Variants in EPB41L5 observed in about 807,000 individuals in gnomAD.
EPB41L5 encodes erythrocyte membrane protein band 4.1 like 5, also known as band 4.1-like protein 5.
In EPB41L5, 55 loss-of-function variants were observed where a neutral mutation model predicts 106.6. The observed-to-expected ratio is 0.52, with a 90% CI of 0.42 to 0.65. The LOEUF (loss-of-function observed/expected upper bound fraction) is 0.65, where lower values mean the gene tolerates loss of function less well. Ranked by LOEUF, EPB41L5 falls within the 30% of genes least tolerant of loss-of-function variation. The pLI is 0.00. For missense variants in EPB41L5, 871 were observed against 882.1 expected, an observed-to-expected ratio of 0.99 and a Z score of 0.16; for synonymous variants, 297 against 306.7, an observed-to-expected ratio of 0.97 and a Z score of 0.33.
intron 2 of EPB41L5, among the ~76,000 whole-genome samples, chr2:120,022,314 C>T (rs1182433111): frequency 6.6e-6 from 1 of 152,086 alleles, no homozygotes; most frequent in Non-Finnish European, 1.5e-5. Flanking sequence ...GGTATTTCTC[C>T]TAATACTATC....
chr2:120,116,874 C>T (rs1179289026), intron 16 of EPB41L5, among the ~76,000 whole-genome samples: 1 of 151,878 alleles, frequency 6.6e-6, no homozygotes, highest in Admixed American at 6.6e-5. Flanking sequence ...GAATGAATGT[C>T]AAAATACACT....
chr2:120,165,967 CAAAAAAAAAAAA>C (rs536664071), intron 22 of EPB41L5, among the ~76,000 whole-genome samples: 7 of 27,998 alleles, frequency 2.5e-4, no homozygotes, highest in East Asian at 3.7e-3. Context: ...GACTCCGTCT[CAAAAAAAAAAAA>C]AAAAAAAAAA....
At chr2:120,128,866 A>G (rs1356816921) in intron 17 of EPB41L5, among the ~76,000 whole-genome samples, 2 of 152,278 alleles carry the variant, frequency 1.3e-5, no homozygotes, top group East Asian at 3.9e-4. Flanking sequence ...CCCCATTACT[A>G]TTTCTCATGT....
At chr2:120,126,650 A>G (rs929335442) in intron 16 of EPB41L5, among the ~76,000 whole-genome samples, 2 of 152,172 alleles carry the variant, frequency 1.3e-5, no homozygotes, top group African/African-American at 4.8e-5. Flanking sequence ...TTGTTGATTT[A>G]CATGTCTGTC....
chr2:120,062,853 A>ATTAAGT (rs1681176266), intron 3 of EPB41L5, among the ~76,000 whole-genome samples: 1 of 151,944 alleles, frequency 6.6e-6, no homozygotes, highest in Non-Finnish European at 1.5e-5. Context: ...GATTCTTAAG[A>ATTAAGT]TATGGACTGA....
At chr2:120,167,252 A>G (rs1272731496) in intron 22 of EPB41L5, among the ~76,000 whole-genome samples, 1 of 152,246 alleles carries the variant, frequency 6.6e-6, no homozygotes, top group Non-Finnish European at 1.5e-5. Flanking sequence ...TCTCAAAATT[A>G]TGACACTTTC....
intron 3 of EPB41L5, among the ~76,000 whole-genome samples, chr2:120,042,790 T>G (rs1679481667): frequency 6.6e-6 from 1 of 152,102 alleles, no homozygotes; most frequent in Non-Finnish European, 1.5e-5. Context: ...TGGGATTAGG[T>G]AGTCTTCAAG....
chr2:120,142,579 T>G (rs1686222822), intron 18 of EPB41L5, among the ~76,000 whole-genome samples: 2 of 152,184 alleles, frequency 1.3e-5, no homozygotes, highest in Non-Finnish European at 1.5e-5. Context: ...GTTGGCAGAT[T>G]ATTTTAGTAA....
chr2:120,143,743 T>C (rs1686281411), intron 19 of EPB41L5, among the ~76,000 whole-genome samples: 1 of 152,168 alleles, frequency 6.6e-6, no homozygotes, highest in African/African-American at 2.4e-5. Context: ...AGAGACCTGA[T>C]TGGACTTTAG....
chr2:120,058,128 T>TA (rs528912147), intron 3 of EPB41L5, among the ~76,000 whole-genome samples: 11 of 151,804 alleles, frequency 7.2e-5, no homozygotes, highest in East Asian at 3.9e-4. Context: ...TTCTCTCATT[T>TA]AAAAAAAAAT....
chr2:120,107,820 C>T (rs556912371), intron 16 of EPB41L5, among the ~76,000 whole-genome samples: 3 of 152,234 alleles, frequency 2.0e-5, no homozygotes, highest in South Asian at 2.1e-4. Flanking sequence ...GAAATTAGGA[C>T]ATGAAGCATG....
At chr2:120,045,210 G>T (rs1416919357) in intron 3 of EPB41L5, among the ~76,000 whole-genome samples, 1 of 152,156 alleles carries the variant, frequency 6.6e-6, no homozygotes, top group Non-Finnish European at 1.5e-5. Context: ...TAGAATTATG[G>T]AGTCATCATG....
chr2:120,144,747 T>A (rs998199383), intron 19 of EPB41L5, among the ~76,000 whole-genome samples: 1 of 152,204 alleles, frequency 6.6e-6, no homozygotes, highest in Non-Finnish European at 1.5e-5. Context: ...CCACTACTCC[T>A]CTTGAACATT....
chr2:120,055,581 C>T (rs1680598769), intron 3 of EPB41L5, among the ~76,000 whole-genome samples: 1 of 147,084 alleles, frequency 6.8e-6, no homozygotes, highest in South Asian at 2.2e-4. Flanking sequence ...CTCTGCCTCC[C>T]GGGTTCACGC....
rs1680359803 is a variant in EPB41L5 at position 120,052,576 on chromosome 2, GT to G, written c.285+10468del. 5.3e-5 allele frequency among the ~76,000 whole-genome samples: 8 copies of G among 152,240 alleles called. No individual in the cohort carries two copies. The South Asian group carries it at 1.7e-3, about 32-fold the overall frequency. ...TGTTTTAATTCAATGGGTTATATCT[GT>G]TACTATCATTTAATTTGTTGCTCAA... On this transcript the variant is annotated intron_variant, in intron 3 of 24. Transcript: ENST00000263713.
At chr2:120,171,222 C>A (rs1262794126) in intron 24 of EPB41L5, among the ~76,000 whole-genome samples, 1 of 152,140 alleles carries the variant, frequency 6.6e-6, no homozygotes, top group African/African-American at 2.4e-5. Context: ...AAACTAAAAT[C>A]TAAGCCTGAA....
At chr2:120,103,923 G>T (rs927191180) in intron 16 of EPB41L5, 1 of 927,250 alleles carries the variant, frequency 1.1e-6, no homozygotes, top group Non-Finnish European at 1.5e-6. Context: ...TCATTGCATG[G>T]AGTAGATGCT....
chr2:120,026,444 C>T (rs748181901), intron 2 of EPB41L5, among the ~76,000 whole-genome samples: 4 of 152,282 alleles, frequency 2.6e-5, no homozygotes, highest in Admixed American at 6.5e-5. Context: ...TCTCAGCTTA[C>T]TGCGATCTCT....
chr2:120,048,330 A>G lies in EPB41L5; in HGVS notation c.285+6220A>G, dbSNP rs1003896416. On this transcript the variant is annotated intron_variant, in intron 3 of 24. Coordinates refer to ENST00000263713, the MANE Select transcript of EPB41L5 (RefSeq NM_020909.4). Reference sequence around the variant, plus strand: ...TGGTAGTCCATTAGTTATTGCCTCAATTTCAGAGCCTGTTATTGATCTATT... The same window carrying G: ...TGGTAGTCCATTAGTTATTGCCTCAGTTTCAGAGCCTGTTATTGATCTATT... Among the ~76,000 whole-genome samples the G allele has an allele frequency of 5.3e-5, 8 of 152,234 alleles. No individual in the cohort carries two copies. The East Asian group carries it at 1.5e-3, about 29-fold the overall frequency.
Sources: gnomAD v4.1 joint callset for allele counts (sites outside exome capture counted in the v4.1 genomes callset) on GRCh38, gnomAD v4.1.1 for gene constraint, MANE v1.5 for transcripts, NCBI Gene and HGNC (gene_info 2026-07-23, HGNC 2026-07-21) for gene names.